The following TMEM120B variants were observed in gnomAD, a reference collection of about 807,000 sequenced individuals.
The protein encoded by TMEM120B is transmembrane protein 120B.
A neutral mutation model predicts 55.5 loss-of-function variants in TMEM120B; 31 were observed. That is an observed-to-expected ratio of 0.56 (90% confidence interval 0.42 to 0.75). The LOEUF (loss-of-function observed/expected upper bound fraction) is 0.75. TMEM120B is among the 30% of genes least tolerant of loss of function. TMEM120B has a pLI of 0.00. For missense variants in TMEM120B, 399 were observed against 425.5 expected, an observed-to-expected ratio of 0.94 and a Z score of 0.55; for synonymous variants, 203 against 176.3, an observed-to-expected ratio of 1.15 and a Z score of -1.20.
intron 2 of TMEM120B, 103 bp downstream of exon 2, chr12:121,743,850 G>A: frequency 1.2e-6 from 1 of 842,512 alleles, no homozygotes; most frequent in East Asian, 2.6e-5. Context: ...GAAAAAGACA[G>A]GACTGGGAGT....
In TMEM120B at chr12:121,780,815, A is replaced by G. The variant is rs774840960; in HGVS notation, c.*5093A>G. 6.4e-7 allele frequency: 1 copy of G among 1,558,288 alleles called. No individual in the cohort carries two copies. The highest frequency in any genetic ancestry group is 2.3e-5 in the East Asian group (1 of 44,408). ...TAAGGCACCCCAGTTGCAGAGGCCA[A>G]AGGTCCGGGAGGCTTCACAGCCACG... is the stretch of plus-strand genomic sequence containing the variant. On this transcript the variant is annotated 3_prime_UTR_variant, in exon 12 of 12. Transcript: ENST00000449592.
chr12:121,725,009 G>A (rs541293156), intron 1 of TMEM120B, among the ~76,000 whole-genome samples: 1 of 152,294 alleles, frequency 6.6e-6, no homozygotes, highest in East Asian at 1.9e-4. Context: ...GCAGAATCAA[G>A]TAGTGTACTA....
At chr12:121,715,077 C>T (rs1182400680) in intron 1 of TMEM120B, among the ~76,000 whole-genome samples, 1 of 152,096 alleles carries the variant, frequency 6.6e-6, no homozygotes, top group Admixed American at 6.6e-5. Context: ...GCGGCTCATG[C>T]CTGTAATTCC....
intron 5 of TMEM120B, among the ~76,000 whole-genome samples, chr12:121,760,650 G>A (rs1246241204): frequency 1.3e-5 from 2 of 152,172 alleles, no homozygotes; most frequent in African/African-American, 4.8e-5. Context: ...GATCTTACCA[G>A]GAGGCTGCTG....
chr12:121,713,697 T>C (rs999909603), intron 1 of TMEM120B, among the ~76,000 whole-genome samples: 5 of 151,978 alleles, frequency 3.3e-5, no homozygotes, highest in African/African-American at 1.2e-4. Flanking sequence ...TGGGGAGCGG[T>C]CCTGGCAGCA....
At chr12:121,719,194 G>A (rs912288624) in intron 1 of TMEM120B, among the ~76,000 whole-genome samples, 1 of 151,962 alleles carries the variant, frequency 6.6e-6, no homozygotes, top group Admixed American at 6.6e-5. Context: ...TACATGAAAC[G>A]AGTTGGGGAG....
chr12:121,765,211 C>A (rs2137321032), intron 6 of TMEM120B, among the ~76,000 whole-genome samples: 1 of 150,048 alleles, frequency 6.7e-6, no homozygotes. Context: ...CTCACTGCAG[C>A]CTCCGCCTCC....
rs185823657 is a variant in TMEM120B, at chr12:121,761,742, C to T, written c.551+4C>T. 2.6e-5 allele frequency: 42 copies of T among 1,612,252 alleles called. No homozygotes were observed. Among genetic ancestry groups the T allele is most frequent in the African/African-American group, 2.5e-4 (19 of 74,974 alleles). ...TTCTCATCAGCAACGGCTCAAGGTA[C>T]CTGGGCACCTGGCTTTGTGGGGAGC... On this transcript the variant is annotated splice_donor_region_variant and intron_variant, in intron 6 of 11. Transcript: ENST00000449592.
At chr12:121,770,784 C>T (rs1303007730) in intron 6 of TMEM120B, 123 bp from the exon 7 acceptor site, 15 of 858,332 alleles carry the variant, frequency 1.7e-5, no homozygotes, top group Non-Finnish European at 2.7e-5. Context: ...CAGTCTGTTT[C>T]TTACTCCAAG....
At chr12:121,722,521 T>G (rs1894813920) in intron 1 of TMEM120B, among the ~76,000 whole-genome samples, 1 of 152,168 alleles carries the variant, frequency 6.6e-6, no homozygotes, top group African/African-American at 2.4e-5. Context: ...GAATGGATCA[T>G]TACACTGAGC....
At chr12:121,745,268 G>A (rs1207027802) in intron 2 of TMEM120B, among the ~76,000 whole-genome samples, 1 of 152,180 alleles carries the variant, frequency 6.6e-6, no homozygotes, top group Admixed American at 6.6e-5. Context: ...TGAGAGTTCC[G>A]TGTTACCAAA....
intron 1 of TMEM120B, among the ~76,000 whole-genome samples, chr12:121,735,185 CAA>C (rs377589219): frequency 3.0e-5 from 2 of 66,880 alleles, no homozygotes; most frequent in African/African-American, 5.6e-5. Context: ...GACTCTGTCT[CAA>C]AAAAAAAAAA....
rs1372032733 is a variant in TMEM120B at position 121,776,854 on chromosome 12, C to A, written c.*1132C>A. On this transcript the variant is annotated 3_prime_UTR_variant, in exon 12 of 12. Transcript: ENST00000449592. ...TGCCTAGGCGGGAGTGCAGTGGCAT[C>A]ATAGGTCACTGTAGCCTCCGCCTCC... The A allele has an allele frequency of 6.6e-6, 1 of 151,296 alleles. No individual in the cohort carries two copies. Among genetic ancestry groups the A allele is most frequent in the African/African-American group, 2.4e-5 (1 of 41,090 alleles). The allele number at this position is 151,296 out of a possible 1,614,324, so 9.4% of individuals were successfully genotyped here.
rs192443019 is a variant in TMEM120B, at chr12:121,747,289, G to T, written c.189-1037G>T. ...GGGAGGCTGGGGTAGAAGGCGGGAG[G>T]CTGGGGTAGAAGGCGGGAGGCACTG... On this transcript the variant is annotated intron_variant, in intron 2 of 11. Coordinates refer to ENST00000449592, the MANE Select transcript of TMEM120B (RefSeq NM_001080825.2). 8.4e-3 allele frequency among the ~76,000 whole-genome samples: 837 copies of T among 99,494 alleles called. 3 individuals are homozygous for T. Among genetic ancestry groups the T allele is most frequent in the African/African-American group, 0.011 (205 of 19,510 alleles). 65.3% of individuals were successfully genotyped at this position (99,494 alleles called of 152,430 possible). A position where few individuals can be genotyped will look rare whatever the true frequency, so the allele number is the denominator to read the frequency against.
At chr12:121,769,396 A>G (rs1873955164) in intron 6 of TMEM120B, among the ~76,000 whole-genome samples, 1 of 152,162 alleles carries the variant, frequency 6.6e-6, no homozygotes, top group Non-Finnish European at 1.5e-5. Flanking sequence ...GGGCAATGTC[A>G]TAGCTGCAGT....
At position 121,761,467 on chromosome 12, in the gene TMEM120B, G is replaced by C. The variant is rs192229769; in HGVS notation, c.462-182G>C. Among the ~76,000 whole-genome samples the C allele has an allele frequency of 1.5e-4, 23 of 152,242 alleles. No homozygotes were observed. The East Asian group carries it at 4.4e-3, about 29-fold the overall frequency. On this transcript the variant is annotated intron_variant, in intron 5 of 11. Transcript: ENST00000449592. ...TGAGGAGGTTCAGAGGCATTTGCAG[G>C]GCCGGGGAAGACGCTCAAGAGACCA... is the stretch of plus-strand genomic sequence containing the variant.
rs938585379 is a variant in TMEM120B, at chr12:121,743,339, A to C, written c.70-290A>C. Among the ~76,000 whole-genome samples, 138 of 151,998 alleles carry C rather than the reference A, an allele frequency of 9.1e-4. 1 individual carries two copies. Among genetic ancestry groups the C allele is most frequent in the African/African-American group, 3.2e-3 (132 of 41,450 alleles). The stretch of plus-strand genomic sequence containing the variant: ...GCCGAAGCGGGCAGGTCACAAGGCC[A>C]GGAGTTCGAGACCAGCCTGGCCAAT... On this transcript the variant is annotated intron_variant, in intron 1 of 11. Coordinates refer to ENST00000449592, the MANE Select transcript of TMEM120B (RefSeq NM_001080825.2).
At chr12:121,753,021 C>T (rs58986108) in intron 5 of TMEM120B, among the ~76,000 whole-genome samples, 13,243 of 152,054 alleles carry the variant, frequency 0.087, 1,046 homozygotes, top group African/African-American at 0.21. Context: ...GATGGGAGGA[C>T]TGTTTGAGTC....
chr12:121,769,583 G>T lies in TMEM120B; in HGVS notation c.552-1324G>T, dbSNP rs899220652. On this transcript the variant is annotated intron_variant, in intron 6 of 11. Coordinates refer to ENST00000449592, the MANE Select transcript of TMEM120B (RefSeq NM_001080825.2). Reference sequence around the variant, plus strand: ...GCTGGGCGTGGTGGCGCACGCCTGTGATCCCAGCTACTCAGGAGGCTGAGG... The same window carrying T: ...GCTGGGCGTGGTGGCGCACGCCTGTTATCCCAGCTACTCAGGAGGCTGAGG... 7.9e-5 allele frequency among the ~76,000 whole-genome samples: 12 copies of T among 152,222 alleles called. No individual in the cohort carries two copies. In the East Asian group the frequency reaches 2.3e-3, roughly 29 times the overall value.
Sources: allele counts gnomAD v4.1 joint callset (sites outside exome capture counted in the v4.1 genomes callset), GRCh38; gene constraint gnomAD v4.1.1; transcripts MANE v1.5; gene names NCBI Gene and HGNC (gene_info 2026-07-23, HGNC 2026-07-21).